The following AP2B1 variants were observed in gnomAD, a reference collection of about 807,000 sequenced individuals.
The protein encoded by AP2B1 is AP-2 complex subunit beta.
In AP2B1, 23 loss-of-function variants were observed where a neutral mutation model predicts 102.0. That is an observed-to-expected ratio of 0.23 (90% confidence interval 0.16 to 0.32). The LOEUF is 0.32. AP2B1 is among the 10% of genes least tolerant of loss of function. The pLI is 1.00. For missense variants in AP2B1, 541 were observed against 1,157.4 expected, an observed-to-expected ratio of 0.47 and a Z score of 7.73; for synonymous variants, 381 against 421.2, an observed-to-expected ratio of 0.90 and a Z score of 1.17.
At chr17:35,671,673 A>T in intron 15 of AP2B1, 81 bp from the exon 16 acceptor site, 1 of 1,385,986 alleles carries the variant, frequency 7.2e-7, no homozygotes. Context: ...TATCAAAACT[A>T]CTAAGATATA....
chr17:35,639,479 T>A, intron 10 of AP2B1, 116 bp from the exon 11 acceptor site: 1 of 796,492 alleles, frequency 1.3e-6, no homozygotes, highest in Admixed American at 3.0e-5. Context: ...CTAAAAGCTT[T>A]TACAGTTTGG....
intron 18 of AP2B1, among the ~76,000 whole-genome samples, chr17:35,700,209 G>A (rs75937328): frequency 0.063 from 9,513 of 151,602 alleles, 412 homozygotes; most frequent in Middle Eastern, 0.11. Context: ...AGAAACGGCC[G>A]CTTCTGCTTG....
At chr17:35,642,026 A>G (rs1279833059) in intron 12 of AP2B1, 51 bp downstream of exon 12, 6 of 1,411,828 alleles carry the variant, frequency 4.2e-6, no homozygotes, top group Non-Finnish European at 1.0e-6. Flanking sequence ...TTCAAATTGT[A>G]GGAAATTATG....
Position 35,689,543 on chromosome 17 carries a change from A to G in AP2B1, c.2454+6719A>G, listed in dbSNP as rs148379900. The stretch of plus-strand genomic sequence containing the variant: ...CTCACAACTTAAAAAATTAGCAAGA[A>G]TTCCTTAATATCACATATCGAATCA... On this transcript the variant is annotated intron_variant, in intron 18 of 21. Transcript: ENST00000610402. 2.0e-3 allele frequency among the ~76,000 whole-genome samples: 305 copies of G among 152,280 alleles called. 2 individuals carry two copies. The highest frequency in any genetic ancestry group is 7.0e-3 in the African/African-American group (290 of 41,560).
At chr17:35,701,981 G>A (rs2076247963) in intron 18 of AP2B1, among the ~76,000 whole-genome samples, 1 of 152,152 alleles carries the variant, frequency 6.6e-6, no homozygotes, top group African/African-American at 2.4e-5. Flanking sequence ...ACTTTGTATA[G>A]TTTATTTTAC....
At chr17:35,611,449 G>A (rs748247127) in intron 5 of AP2B1, among the ~76,000 whole-genome samples, 39 of 152,122 alleles carry the variant, frequency 2.6e-4, no homozygotes, top group Non-Finnish European at 4.9e-4. Flanking sequence ...CCTAAGGGAT[G>A]TTTAGCAGTA....
chr17:35,593,067 C>T (rs1048185642), intron 1 of AP2B1, among the ~76,000 whole-genome samples: 1 of 152,086 alleles, frequency 6.6e-6, no homozygotes, highest in Non-Finnish European at 1.5e-5. Flanking sequence ...GTTTGATTCT[C>T]GTGTCTGAAC....
At chr17:35,665,560 A>T (rs2075448075) in intron 14 of AP2B1, among the ~76,000 whole-genome samples, 1 of 152,238 alleles carries the variant, frequency 6.6e-6, no homozygotes. Context: ...TTTTGATACC[A>T]ATAGGATTTT....
intron 14 of AP2B1, among the ~76,000 whole-genome samples, chr17:35,661,669 C>T (rs1216505146): frequency 1.3e-5 from 2 of 152,102 alleles, no homozygotes; most frequent in African/African-American, 2.4e-5. Context: ...AATTGGAGAC[C>T]GAAAATTGAG....
At chr17:35,635,173 C>A (rs1005405229) in intron 9 of AP2B1, among the ~76,000 whole-genome samples, 1 of 152,200 alleles carries the variant, frequency 6.6e-6, no homozygotes, top group African/African-American at 2.4e-5. Flanking sequence ...CCTGCCTCAG[C>A]CTCCCAAGTA....
At chr17:35,722,501 GT>G (rs1568068989) in intron 21 of AP2B1, among the ~76,000 whole-genome samples, 1 of 152,004 alleles carries the variant, frequency 6.6e-6, no homozygotes, top group African/African-American at 2.4e-5. Context: ...TTGGTTTGGG[GT>G]TTTTTTGCAT....
In AP2B1 at chr17:35,724,764, A is replaced by G. The variant is rs1418097827; in HGVS notation, c.*1065A>G. On this transcript the variant is annotated 3_prime_UTR_variant, in exon 22 of 22. Coordinates refer to ENST00000610402, the MANE Select transcript of AP2B1 (RefSeq NM_001030006.2). The stretch of plus-strand genomic sequence containing the variant: ...CCGTCAGTGTGGTTTTCACCACAGG[A>G]CTGTCTCTTGTCGTTTTCCCCTAAT... 1 of 152,180 alleles carries G rather than the reference A, an allele frequency of 6.6e-6. No individual in the cohort carries two copies. The highest frequency in any genetic ancestry group is 1.5e-5 in the Non-Finnish European group (1 of 68,058). The allele number at this position is 152,180 out of a possible 1,614,324, so 9.4% of individuals were successfully genotyped here. A position where few individuals can be genotyped will look rare whatever the true frequency, so the allele number is the denominator to read the frequency against.
intron 12 of AP2B1, among the ~76,000 whole-genome samples, chr17:35,648,835 G>A (rs527600425): frequency 3.4e-4 from 52 of 151,976 alleles, no homozygotes; most frequent in Admixed American, 3.1e-3. Context: ...ATTGGGAGTT[G>A]AGATGGAGAA....
intron 3 of AP2B1, among the ~76,000 whole-genome samples, chr17:35,604,306 A>G (rs897216087): frequency 6.6e-6 from 1 of 152,032 alleles, no homozygotes; most frequent in Non-Finnish European, 1.5e-5. Flanking sequence ...ACGAGGTCTC[A>G]CTATGTTGCC....
intron 5 of AP2B1, among the ~76,000 whole-genome samples, chr17:35,623,441 G>C (rs1247290531): frequency 3.3e-5 from 5 of 152,166 alleles, no homozygotes; most frequent in African/African-American, 4.8e-5. Flanking sequence ...GCATGCACCT[G>C]TAGTCCCAGC....
intron 18 of AP2B1, among the ~76,000 whole-genome samples, chr17:35,702,143 G>A (rs2076250995): frequency 6.6e-6 from 1 of 152,092 alleles, no homozygotes; most frequent in South Asian, 2.1e-4. Flanking sequence ...GCAATAAACC[G>A]GCAAATCAGT....
At chr17:35,639,508 C>G (rs146309459) in intron 10 of AP2B1, 87 bp from the exon 11 acceptor site, 2 of 1,268,770 alleles carry the variant, frequency 1.6e-6, no homozygotes, top group Admixed American at 4.7e-5. Context: ...TTTAGGGTCC[C>G]TTGTTTGTGG....
intron 13 of AP2B1, among the ~76,000 whole-genome samples, chr17:35,651,556 A>G (rs1007621136): frequency 7.2e-5 from 11 of 152,184 alleles, no homozygotes; most frequent in African/African-American, 2.7e-4. Context: ...AGTTAGAATA[A>G]TTGGGCTTCT....
At chr17:35,636,285 G>A (rs1449038826) in intron 9 of AP2B1, 56 bp from the exon 10 acceptor site, 3 of 1,231,946 alleles carry the variant, frequency 2.4e-6, no homozygotes, top group African/African-American at 1.5e-5. Flanking sequence ...TTTATGTTGA[G>A]GTGGTGTTAT....
Sources: gnomAD v4.1 joint callset for allele counts (sites outside exome capture counted in the v4.1 genomes callset) on GRCh38, gnomAD v4.1.1 for gene constraint, MANE v1.5 for transcripts, NCBI Gene and HGNC (gene_info 2026-07-23, HGNC 2026-07-21) for gene names.